The following RBFOX1 variants were observed in gnomAD, a reference collection of about 807,000 sequenced individuals.
The protein encoded by RBFOX1 is RNA binding fox-1 homolog 1, also known as RNA binding protein fox-1 homolog 1.
In RBFOX1, 8 loss-of-function variants were observed where a neutral mutation model predicts 57.7. That is an observed-to-expected ratio of 0.14 (90% confidence interval 0.08 to 0.25). The LOEUF is 0.25. RBFOX1 is among the 10% of genes least tolerant of loss of function. RBFOX1 has a pLI of 1.00. For missense variants in RBFOX1, 611 were observed against 548.5 expected, an observed-to-expected ratio of 1.11 and a Z score of -1.14; for synonymous variants, 326 against 222.4, an observed-to-expected ratio of 1.47 and a Z score of -4.15.
intron 3 of RBFOX1, chr16:5,867,215 T>G (rs1205369217): frequency 3.3e-6 from 3 of 911,684 alleles, no homozygotes; most frequent in African/African-American, 1.7e-5. Context: ...CATAACAAAT[T>G]ATTGATGCCA....
chr16:7,418,305 G>T (rs1276614251), intron 4 of RBFOX1, among the ~76,000 whole-genome samples: 2 of 152,206 alleles, frequency 1.3e-5, no homozygotes, highest in Non-Finnish European at 2.9e-5. Context: ...CATGTTGTCT[G>T]TTTGAGTGGG....
At position 5,621,139 on chromosome 16, in the gene RBFOX1, C is replaced by G. The variant is rs563132096; in HGVS notation, c.318+22178C>G. On this transcript the variant is annotated intron_variant, in intron 3 of 19. Transcript: ENST00000641259. ...ACAGGCGTTGAGCCAATGCGCCCAGCCTGCTAATTTTTATTTTTTGTAGAA... is the reference window on the plus strand; with the variant it reads ...ACAGGCGTTGAGCCAATGCGCCCAGGCTGCTAATTTTTATTTTTTGTAGAA... 8.5e-5 allele frequency among the ~76,000 whole-genome samples: 13 copies of G among 152,284 alleles called. No individual in the cohort carries two copies. The South Asian group carries it at 2.1e-3, about 24-fold the overall frequency.
chr16:7,371,850 T>G (rs1402352673), intron 4 of RBFOX1, among the ~76,000 whole-genome samples: 2 of 152,214 alleles, frequency 1.3e-5, no homozygotes, highest in Non-Finnish European at 1.5e-5. Context: ...TCAGTCTAAA[T>G]GCCCTGTGTG....
chr16:6,396,269 A>G (rs2092831115), intron 2 of RBFOX1, among the ~76,000 whole-genome samples: 1 of 152,144 alleles, frequency 6.6e-6, no homozygotes, highest in Non-Finnish European at 1.5e-5. Flanking sequence ...AAAGAGAGGT[A>G]CTGTAACTTG....
rs1253090944 is a variant in RBFOX1, at chr16:6,819,735, CAA to C, written c.-16+165086_-16+165087del. Reference sequence around the variant, plus strand: ...AAAAAAAAAAAAAAAAAAAAAATAACAACACCAAAAGGTATATAGTATAACAG... The same window carrying C: ...AAAAAAAAAAAAAAAAAAAAAATAACCACCAAAAGGTATATAGTATAACAG... On this transcript the variant is annotated intron_variant, in intron 3 of 15. Transcript: ENST00000550418. 6.6e-5 allele frequency among the ~76,000 whole-genome samples: 3 copies of C among 45,198 alleles called. 1 individual carries two copies. In the East Asian group the frequency reaches 2.0e-3, roughly 31 times the overall value. The allele number at this position is 45,198 out of a possible 152,430, so 29.7% of individuals were successfully genotyped here.
At chr16:6,464,637 C>T (rs1177563130) in intron 2 of RBFOX1, among the ~76,000 whole-genome samples, 1 of 152,178 alleles carries the variant, frequency 6.6e-6, no homozygotes, top group Non-Finnish European at 1.5e-5. Context: ...GAAGATTTAG[C>T]CCTAACATCG....
At chr16:5,673,363 A>G (rs762010798) in intron 3 of RBFOX1, among the ~76,000 whole-genome samples, 1 of 152,162 alleles carries the variant, frequency 6.6e-6, no homozygotes, top group Non-Finnish European at 1.5e-5. Context: ...GTCACACCTC[A>G]GTAAAGAAGG....
At chr16:7,670,790 G>C (rs2071163958) in intron 13 of RBFOX1, among the ~76,000 whole-genome samples, 1 of 152,112 alleles carries the variant, frequency 6.6e-6, no homozygotes, top group East Asian at 1.9e-4. Flanking sequence ...CCCTAGAATT[G>C]GAGAATTTTA....
At chr16:5,287,002 G>T (rs1230307959) in intron 1 of RBFOX1, among the ~76,000 whole-genome samples, 2 of 152,132 alleles carry the variant, frequency 1.3e-5, no homozygotes, top group African/African-American at 4.8e-5. Context: ...AATAAAATAG[G>T]GTTTCTATTT....
rs112285349 is a variant in RBFOX1, at chr16:6,833,043, T to C, written c.-16+178393T>C. On this transcript the variant is annotated intron_variant, in intron 3 of 15. Coordinates refer to ENST00000550418, the MANE Select transcript of RBFOX1 (RefSeq NM_018723.4). ...AGTCCTACAGGCCTCTTTTCTCTTA[T>C]TCAAATATTTCAGGCTCTTTTCCAC... Among the ~76,000 whole-genome samples the C allele has an allele frequency of 1.7e-3, 252 of 152,324 alleles. 1 individual carries two copies. The highest frequency in any genetic ancestry group is 5.4e-3 in the African/African-American group (226 of 41,568).
intron 4 of RBFOX1, among the ~76,000 whole-genome samples, chr16:7,171,886 T>A (rs2080770098): frequency 6.6e-6 from 1 of 152,224 alleles, no homozygotes; most frequent in East Asian, 1.9e-4. Context: ...TCTCTGCTTA[T>A]GAGTACCACT....
intron 2 of RBFOX1, among the ~76,000 whole-genome samples, chr16:6,598,427 G>T (rs1440993642): frequency 6.6e-6 from 1 of 152,168 alleles, no homozygotes; most frequent in African/African-American, 2.4e-5. Context: ...AGTGTAACCA[G>T]TGTTATAAAA....
At chr16:5,899,144 C>CA (rs35163906) in intron 4 of RBFOX1, among the ~76,000 whole-genome samples, 15,190 of 99,910 alleles carry the variant, frequency 0.15, 1,178 homozygotes, top group East Asian at 0.22. Context: ...GACCCTGTCT[C>CA]AAAAAAAAAA....
At chr16:7,446,591 C>A (rs2098809505) in intron 4 of RBFOX1, among the ~76,000 whole-genome samples, 1 of 151,998 alleles carries the variant, frequency 6.6e-6, no homozygotes, top group African/African-American at 2.4e-5. Flanking sequence ...GACTAGTGTC[C>A]TATAGTTCTC....
chr16:7,285,075 C>CTTTT (rs58959488), intron 4 of RBFOX1, among the ~76,000 whole-genome samples: 588 of 42,728 alleles, frequency 0.014, 112 homozygotes, highest in Non-Finnish European at 0.022. Context: ...AGATTCCTTA[C>CTTTT]TTTTTTTTTT....
intron 3 of RBFOX1, among the ~76,000 whole-genome samples, chr16:7,002,437 G>A (rs1676785735): frequency 6.6e-6 from 1 of 152,148 alleles, no homozygotes; most frequent in South Asian, 2.1e-4. Context: ...TATTTTCGCT[G>A]GGCGCGATGG....
At chr16:6,544,909 T>C (rs536017845) in intron 2 of RBFOX1, among the ~76,000 whole-genome samples, 1 of 152,202 alleles carries the variant, frequency 6.6e-6, no homozygotes, top group African/African-American at 2.4e-5. Flanking sequence ...CATGTCTGCT[T>C]TTTATGATTA....
intron 2 of RBFOX1, among the ~76,000 whole-genome samples, chr16:6,505,203 A>C (rs936455860): frequency 6.6e-6 from 1 of 152,226 alleles, no homozygotes; most frequent in Non-Finnish European, 1.5e-5. Context: ...GTATTCCTTA[A>C]AGCTCTTGAT....
chr16:5,294,905 C>G (rs1009320078), intron 1 of RBFOX1, among the ~76,000 whole-genome samples: 2 of 150,504 alleles, frequency 1.3e-5, no homozygotes, highest in Non-Finnish European at 3.0e-5. Context: ...TGGTGCACGC[C>G]TTTGATCCCA....
Sources: gnomAD v4.1 joint callset for allele counts (sites outside exome capture counted in the v4.1 genomes callset) on GRCh38, gnomAD v4.1.1 for gene constraint, MANE v1.5 for transcripts, NCBI Gene and HGNC (gene_info 2026-07-23, HGNC 2026-07-21) for gene names.